TAMM41: variants seen among roughly 807,000 people sequenced by gnomAD.
The protein encoded by TAMM41 is TAM41 mitochondrial translocator assembly and maintenance homolog.
Under a neutral mutation model 44.1 loss-of-function variants are expected in TAMM41, and 36 were observed. The observed-to-expected ratio is 0.82, with a 90% CI of 0.63 to 1.08. The LOEUF (loss-of-function observed/expected upper bound fraction) is 1.08, where lower values mean the gene tolerates loss of function less well. TAMM41 is among the 50% of genes least tolerant of loss of function. The pLI, the probability that TAMM41 is intolerant of heterozygous loss-of-function variation, is 0.00. For missense variants in TAMM41, 417 were observed against 404.3 expected, an observed-to-expected ratio of 1.03 and a Z score of -0.27; for synonymous variants, 164 against 153.1, an observed-to-expected ratio of 1.07 and a Z score of -0.53.
chr3:11,836,674 G>C (rs2079189567), intron 3 of TAMM41, among the ~76,000 whole-genome samples: 1 of 152,082 alleles, frequency 6.6e-6, no homozygotes, highest in Non-Finnish European at 1.5e-5. Flanking sequence ...ATGATGGCCA[G>C]GCTGGTCTCG....
At chr3:11,763,865 A>C in the TAMM41 span, among the ~76,000 whole-genome samples, 30 of 152,312 alleles carry the variant, frequency 2.0e-4, no homozygotes, top group African/African-American at 7.0e-4. Flanking sequence ...ACTGCTATAC[A>C]CTAATTTTCA....
intron 3 of TAMM41, among the ~76,000 whole-genome samples, chr3:11,833,511 T>C (rs557958988): frequency 1.3e-5 from 2 of 152,272 alleles, no homozygotes; most frequent in South Asian, 2.1e-4. Flanking sequence ...CTCTTCTAAA[T>C]AGTCACTGCT....
At chr3:11,773,717 G>A in the TAMM41 span, among the ~76,000 whole-genome samples, 3 of 152,320 alleles carry the variant, frequency 2.0e-5, no homozygotes, top group African/African-American at 7.2e-5. Context: ...TAAGCAGAAT[G>A]TTTCTTGCCC....
At chr3:11,725,496 T>A in the TAMM41 span, among the ~76,000 whole-genome samples, 1 of 149,304 alleles carries the variant, frequency 6.7e-6, no homozygotes, top group Non-Finnish European at 1.5e-5. Flanking sequence ...TGGAGTGAAG[T>A]GGTACAATCT....
chr3:11,807,495 G>A, intron 7 of TAMM41: 1 of 1,536,130 alleles, frequency 6.5e-7, no homozygotes, highest in Non-Finnish European at 8.7e-7. Context: ...GGGAAGAGGA[G>A]GGGGAGCACA....
intron 3 of TAMM41, among the ~76,000 whole-genome samples, chr3:11,835,314 T>C (rs1337807946): frequency 2.0e-5 from 3 of 152,062 alleles, no homozygotes; most frequent in African/African-American, 4.8e-5. Context: ...GGGAGCAAGG[T>C]AGAAGAGAGA....
chr3:11,824,378 T>TTTTG (rs1373612035), intron 4 of TAMM41, among the ~76,000 whole-genome samples: 1 of 149,410 alleles, frequency 6.7e-6, no homozygotes, highest in Non-Finnish European at 1.5e-5. Context: ...TTTTTTTTTT[T>TTTTG]TGTGACAAAG....
chr3:11,739,526 G>T, the TAMM41 span, among the ~76,000 whole-genome samples: 1 of 152,060 alleles, frequency 6.6e-6, no homozygotes, highest in Admixed American at 6.6e-5. Context: ...TGCGTTAAGG[G>T]CTGGGTGCGG....
At chr3:11,807,510 C>T in intron 7 of TAMM41, 1 of 1,536,136 alleles carries the variant, frequency 6.5e-7, no homozygotes, top group East Asian at 2.4e-5. Flanking sequence ...AGCACAGATG[C>T]TGCTGTTTTT....
At chr3:11,818,565 A>G (rs948287790) in intron 4 of TAMM41, among the ~76,000 whole-genome samples, 5 of 152,118 alleles carry the variant, frequency 3.3e-5, no homozygotes, top group African/African-American at 1.2e-4. Flanking sequence ...TTACACTACA[A>G]TTTGGTGGAA....
chr3:11,732,890 C>T, the TAMM41 span, among the ~76,000 whole-genome samples: 1 of 152,004 alleles, frequency 6.6e-6, no homozygotes, highest in Non-Finnish European at 1.5e-5. Context: ...CAAGAAAAAC[C>T]TGGGAAGTGG....
chr3:11,813,900 GTA>G lies in TAMM41; in HGVS notation c.708+3290_708+3291del, dbSNP rs1253613609. ...TATATATGTATATATGTGTATATAT[GTA>G]TATATGTGTGTATATATGTATATAT... On this transcript the variant is annotated intron_variant, in intron 5 of 7. Transcript: ENST00000455809. 7.6e-4 allele frequency among the ~76,000 whole-genome samples: 109 copies of G among 142,664 alleles called. 1 individual carries two copies. The highest frequency in any genetic ancestry group is 2.9e-3 in the African/African-American group (108 of 37,504). 93.6% of individuals were successfully genotyped at this position (142,664 alleles called of 152,430 possible). A position where few individuals can be genotyped will look rare whatever the true frequency, so the allele number is the denominator to read the frequency against.
At chr3:11,744,439 A>T in the TAMM41 span, among the ~76,000 whole-genome samples, 1 of 151,948 alleles carries the variant, frequency 6.6e-6, no homozygotes, top group Non-Finnish European at 1.5e-5. Context: ...CACACCTGTA[A>T]TCCCTGCACT....
the TAMM41 span, among the ~76,000 whole-genome samples, chr3:11,777,531 C>A: frequency 6.6e-6 from 1 of 152,192 alleles, no homozygotes; most frequent in Non-Finnish European, 1.5e-5. Flanking sequence ...CGGTGGCTCA[C>A]GCCTGTAATC....
intron 1 of TAMM41, 116 bp downstream of exon 1, chr3:11,846,386 G>A (rs551524213): frequency 4.9e-6 from 6 of 1,213,728 alleles, no homozygotes; most frequent in South Asian, 1.4e-5. Flanking sequence ...CACTCTGCTA[G>A]TGGACACGTG....
intron 7 of TAMM41, among the ~76,000 whole-genome samples, chr3:11,806,043 G>A (rs910641120): frequency 6.6e-6 from 1 of 152,122 alleles, no homozygotes; most frequent in African/African-American, 2.4e-5. Context: ...CTTGCCTGCC[G>A]CCATGTAAGA....
chr3:11,832,182 C>T (rs2079007417), intron 3 of TAMM41, among the ~76,000 whole-genome samples: 1 of 151,764 alleles, frequency 6.6e-6, no homozygotes, highest in Admixed American at 6.6e-5. Flanking sequence ...ATGCTTATTC[C>T]TTGAATAACT....
chr3:11,790,288 T>C (rs575271427), downstream of TAMM41, among the ~76,000 whole-genome samples: 1 of 152,338 alleles, frequency 6.6e-6, no homozygotes, highest in South Asian at 2.1e-4. Context: ...CATGACTTTG[T>C]ACATGGAGAG....
At chr3:11,825,886 A>T (rs1380140387) in intron 4 of TAMM41, among the ~76,000 whole-genome samples, 1 of 151,842 alleles carries the variant, frequency 6.6e-6, no homozygotes. Context: ...GGAAGTTGGG[A>T]TTACAGGTGT....
Sources: gnomAD v4.1 joint callset for allele counts (sites outside exome capture counted in the v4.1 genomes callset) on GRCh38, gnomAD v4.1.1 for gene constraint, MANE v1.5 for transcripts, NCBI Gene and HGNC (gene_info 2026-07-23, HGNC 2026-07-21) for gene names.